The following ANKRD36B variants were observed in gnomAD, a reference collection of about 807,000 sequenced individuals.
ANKRD36B encodes ankyrin repeat domain-containing protein 36B.
A neutral mutation model predicts 135.7 loss-of-function variants in ANKRD36B; 37 were observed. That is an observed-to-expected ratio of 0.27 (90% confidence interval 0.21 to 0.36). The LOEUF (loss-of-function observed/expected upper bound fraction) is 0.36. Among genes scored for constraint, ANKRD36B ranks in the 10% least tolerant of loss-of-function variants. The probability of loss-of-function intolerance (pLI) is 1.00; values close to 1 mark genes in which losing one functional copy is unlikely to be tolerated. For missense variants in ANKRD36B, 549 were observed against 1,037.1 expected (o/e 0.53, Z 6.46); for synonymous variants, 179 against 348.1 (o/e 0.51, Z 5.41).
At chr2:97,550,229 G>C (rs1402714048) in intron 18 of ANKRD36B, among the ~76,000 whole-genome samples, 4 of 140,726 alleles carry the variant, frequency 2.8e-5, no homozygotes, top group Non-Finnish European at 6.4e-5. Context: ...TAAGTTTCTT[G>C]TATCCACTAG....
intron 1 of ANKRD36B, among the ~76,000 whole-genome samples, chr2:97,585,794 C>T (rs1460797114): frequency 6.6e-6 from 1 of 152,174 alleles, no homozygotes; most frequent in Admixed American, 6.5e-5. Flanking sequence ...GATATCACTA[C>T]TTACAAAGAC....
chr2:97,542,213 T>C lies in ANKRD36B; in HGVS notation c.1784-106A>G. ...AGCTGCATCTGTCTGCAGTTATTAG[T>C]GTAGGCTTTGATGCTTTATACTTTG... On this transcript the variant is annotated intron_variant, in intron 26 of 43. Transcript: ENST00000359901. 6.2e-6 allele frequency: 4 copies of C among 646,146 alleles called. 1 individual carries two copies. Among genetic ancestry groups the C allele is most frequent in the South Asian group, 1.6e-5 (1 of 63,902 alleles). The allele number at this position is 646,146 out of a possible 1,614,324, so 40.0% of individuals were successfully genotyped here.
At chr2:97,555,155 T>A in intron 13 of ANKRD36B, 23 bp from the exon 14 acceptor site, 1 of 1,611,586 alleles carries the variant, frequency 6.2e-7, no homozygotes, top group Non-Finnish European at 8.5e-7. Flanking sequence ...TGAAGCAAAT[T>A]ATCAATAAAG....
chr2:97,554,857 G>A (rs988283535), intron 14 of ANKRD36B, among the ~76,000 whole-genome samples: 1 of 151,912 alleles, frequency 6.6e-6, no homozygotes, highest in East Asian at 2.0e-4. Context: ...TTCAATGTGG[G>A]GAAGTCTATA....
At chr2:97,561,197 C>A (rs2080993133) in intron 6 of ANKRD36B, among the ~76,000 whole-genome samples, 1 of 151,844 alleles carries the variant, frequency 6.6e-6, no homozygotes, top group Non-Finnish European at 1.5e-5. Context: ...AACTCATACA[C>A]CTGGGAATCA....
Position 97,516,163 on chromosome 2 carries a change from G to T in ANKRD36B, c.2408-218C>A, listed in dbSNP as rs375038333. On this transcript the variant is annotated intron_variant, in intron 36 of 43. Coordinates refer to ENST00000359901, the MANE Select transcript of ANKRD36B (RefSeq NM_001393939.1). The stretch of plus-strand genomic sequence containing the variant: ...TATAGTGAAGAACCAAGATAAAAAG[G>T]TGACAGTTATAAACTCAGATAGGTC... Among the ~76,000 whole-genome samples the T allele has an allele frequency of 5.7e-4, 25 of 43,788 alleles. 1 individual carries two copies. The East Asian group carries it at 8.4e-3, about 15-fold the overall frequency. The allele number at this position is 43,788 out of a possible 152,430, so 28.7% of individuals were successfully genotyped here.
At position 97,559,100 on chromosome 2, in the gene ANKRD36B, G is replaced by C. The variant is rs2080791874; in HGVS notation, c.866-106C>G. On this transcript the variant is annotated intron_variant, in intron 8 of 43. Coordinates refer to ENST00000359901, the MANE Select transcript of ANKRD36B (RefSeq NM_001393939.1). Reference sequence around the variant, plus strand: ...AAGCTGTATCTTCCTGCCTGTACTAGTGTAGGCTTTGATGTTTTCTACTTT... The same window carrying C: ...AAGCTGTATCTTCCTGCCTGTACTACTGTAGGCTTTGATGTTTTCTACTTT... 13 of 1,473,176 alleles carry C rather than the reference G, an allele frequency of 8.8e-6. No individual in the cohort carries two copies. In the South Asian group the frequency reaches 1.1e-4, roughly 12 times the overall value. The allele number at this position is 1,473,176 out of a possible 1,614,324, so 91.3% of individuals were successfully genotyped here.
rs531163875 is a variant in ANKRD36B at position 97,528,862 on chromosome 2, T to C, written c.2265+3449A>G. The stretch of plus-strand genomic sequence containing the variant: ...TCCCAAGACTAAACCAGGAAGAAGT[T>C]GAATCTCTGAATAGACCAATAACAG... On this transcript the variant is annotated intron_variant, in intron 35 of 43. Coordinates refer to ENST00000359901, the MANE Select transcript of ANKRD36B (RefSeq NM_001393939.1). Among the ~76,000 whole-genome samples the C allele has an allele frequency of 1.9e-4, 18 of 95,576 alleles. 4 individuals are homozygous for C. The highest frequency in any genetic ancestry group is 4.6e-4 in the Admixed American group (5 of 10,846). The allele number at this position is 95,576 out of a possible 152,430, so 62.7% of individuals were successfully genotyped here.
rs770609147 is a variant in ANKRD36B, at chr2:97,560,843, G to C, written c.781C>G (p.Arg261Gly). 6.4e-7 allele frequency: 1 copy of C among 1,563,172 alleles called. No individual in the cohort carries two copies. The highest frequency in any genetic ancestry group is 1.7e-5 in the Admixed American group (1 of 57,226). The change falls in exon 7 of 44, where the codon CGA becomes GGA. Residue 261 changes from arginine to glycine, a missense_variant. Transcript: ENST00000359901. ...GAGACTTTAATTACCTTCTCAGCTCGTTGTTTCTGAGGAGACACTGAAAAG... is the reference window on the plus strand; with the variant it reads ...GAGACTTTAATTACCTTCTCAGCTCCTTGTTTCTGAGGAGACACTGAAAAG... ...NSNPVSPQKQ[R>G]AEKATSDDKD...
chr2:97,585,676 TAAGAG>T (rs748391844), intron 1 of ANKRD36B, among the ~76,000 whole-genome samples: 7 of 152,224 alleles, frequency 4.6e-5, no homozygotes, highest in African/African-American at 7.2e-5. Flanking sequence ...ATAAAATATG[TAAGAG>T]AATAGTAGCT....
intron 6 of ANKRD36B, among the ~76,000 whole-genome samples, chr2:97,567,116 T>C (rs947179224): frequency 3.3e-5 from 5 of 152,036 alleles, no homozygotes; most frequent in African/African-American, 9.7e-5. Flanking sequence ...ACCAGTTTTT[T>C]ATAAAGAATA....
chr2:97,547,841 G>A (rs934592582), intron 20 of ANKRD36B, 110 bp from the exon 21 acceptor site: 2 of 1,433,548 alleles, frequency 1.4e-6, no homozygotes, highest in African/African-American at 2.8e-5. Flanking sequence ...TATTAGCATA[G>A]GCTTTGATGG....
At position 97,528,143 on chromosome 2, in the gene ANKRD36B, A is replaced by T. The variant is rs1486498478; in HGVS notation, c.2265+4168T>A. Reference sequence around the variant, plus strand: ...CCACACCTATTCCAAAATTGACCACATAGTTGGAAGTAAAGCTCTCCTCAG... The same window carrying T: ...CCACACCTATTCCAAAATTGACCACTTAGTTGGAAGTAAAGCTCTCCTCAG... On this transcript the variant is annotated intron_variant, in intron 35 of 43. Coordinates refer to ENST00000359901, the MANE Select transcript of ANKRD36B (RefSeq NM_001393939.1). Among the ~76,000 whole-genome samples, 6 of 95,890 alleles carry T rather than the reference A, an allele frequency of 6.3e-5. 3 individuals are homozygous for T. Among genetic ancestry groups the T allele is most frequent in the Non-Finnish European group, 1.7e-4 (6 of 36,204 alleles). 62.9% of individuals were successfully genotyped at this position (95,890 alleles called of 152,430 possible).
At chr2:97,497,086 G>C (rs2077317907) in intron 43 of ANKRD36B, among the ~76,000 whole-genome samples, 2 of 16,750 alleles carry the variant, frequency 1.2e-4, no homozygotes, top group East Asian at 1.2e-3. Flanking sequence ...AAATCATCTG[G>C]ATTTTTTTAG....
At chr2:97,556,882 G>C in intron 12 of ANKRD36B, 55 bp downstream of exon 12, 1 of 1,543,222 alleles carries the variant, frequency 6.5e-7, no homozygotes, top group Non-Finnish European at 8.7e-7. Flanking sequence ...TCAGGGGTGG[G>C]ACGTTCTCTT....
At chr2:97,547,486 T>A in intron 22 of ANKRD36B, 50 bp downstream of exon 22, 1 of 1,507,868 alleles carries the variant, frequency 6.6e-7, no homozygotes, top group African/African-American at 1.4e-5. Context: ...GGAAGAGAAT[T>A]TCTTATCTAC....
At chr2:97,582,357 G>A (rs2442296) in intron 3 of ANKRD36B, among the ~76,000 whole-genome samples, 5 of 151,476 alleles carry the variant, frequency 3.3e-5, no homozygotes, top group South Asian at 2.1e-4. Context: ...AAAATGTCTT[G>A]AAAACCTTGA....
intron 1 of ANKRD36B, among the ~76,000 whole-genome samples, chr2:97,586,245 A>T (rs1005936090): frequency 8.5e-5 from 13 of 152,356 alleles, no homozygotes; most frequent in African/African-American, 3.1e-4. Flanking sequence ...TCAGGATTCA[A>T]ATGAATAGGT....
At chr2:97,579,522 C>CTA (rs112707466) in intron 4 of ANKRD36B, among the ~76,000 whole-genome samples, 1,776 of 143,684 alleles carry the variant, frequency 0.012, 15 homozygotes, top group South Asian at 0.033. Context: ...TAATTAAACA[C>CTA]TATATATATA....
Sources: allele counts gnomAD v4.1 joint callset (sites outside exome capture counted in the v4.1 genomes callset), GRCh38; gene constraint gnomAD v4.1.1; transcripts MANE v1.5; gene names NCBI Gene and HGNC (gene_info 2026-07-23, HGNC 2026-07-21).